PKHD1: variants seen among roughly 807,000 people sequenced by gnomAD.
PKHD1 encodes PKHD1 ciliary IPT domain containing fibrocystin/polyductin.
A neutral mutation model predicts 412.0 loss-of-function variants in PKHD1; 291 were observed. The observed-to-expected ratio is 0.71, with a 90% CI of 0.64 to 0.78. The LOEUF (loss-of-function observed/expected upper bound fraction) is 0.78. Among genes scored for constraint, PKHD1 ranks in the 30% least tolerant of loss-of-function variants. The probability of loss-of-function intolerance (pLI) is 0.00; values close to 1 mark genes in which losing one functional copy is unlikely to be tolerated. For synonymous variants in PKHD1, 1,777 were observed against 1,821.5 expected (o/e 0.98, Z 0.62); for missense variants, 4,825 against 4,950.7 (o/e 0.97, Z 0.76).
chr6:52,069,935 C>A (rs4715275), intron 10 of PKHD1, among the ~76,000 whole-genome samples: 16,690 of 152,020 alleles, frequency 0.11, 956 homozygotes, highest in Middle Eastern at 0.21. Flanking sequence ...TTAGACCCTA[C>A]GCTTTTAACA....
chr6:51,758,046 GAGAGAGAA>G (rs1275805911), intron 55 of PKHD1, among the ~76,000 whole-genome samples: 1 of 133,882 alleles, frequency 7.5e-6, no homozygotes, highest in African/African-American at 2.6e-5. Context: ...GAGAGAGAGA[GAGAGAGAA>G]AACAAAGCAA....
At chr6:51,727,368 G>GA (rs766167681) in intron 60 of PKHD1, among the ~76,000 whole-genome samples, 78 of 152,224 alleles carry the variant, frequency 5.1e-4, no homozygotes, top group African/African-American at 1.9e-3. Flanking sequence ...ATATAAGGCA[G>GA]AAAAAGAGAC....
intron 45 of PKHD1, 92 bp from the exon 46 acceptor site, chr6:51,883,319 G>T (rs942008544): frequency 3.4e-6 from 4 of 1,159,966 alleles, no homozygotes; most frequent in Admixed American, 1.7e-5. Flanking sequence ...TAAGTAGAAA[G>T]AAGCATGCTA....
chr6:51,943,713 A>G (rs1450958627), intron 36 of PKHD1, among the ~76,000 whole-genome samples: 4 of 151,346 alleles, frequency 2.6e-5, no homozygotes, highest in East Asian at 3.9e-4. Flanking sequence ...TCTTTTTTCA[A>G]TTCATACAAA....
intron 36 of PKHD1, among the ~76,000 whole-genome samples, chr6:51,946,382 T>G (rs910073919): frequency 6.6e-6 from 1 of 152,240 alleles, no homozygotes; most frequent in Non-Finnish European, 1.5e-5. Flanking sequence ...TTGCCTGAAA[T>G]AATTAGATAA....
intron 36 of PKHD1, among the ~76,000 whole-genome samples, chr6:51,939,206 C>G (rs1788048968): frequency 6.6e-6 from 1 of 150,988 alleles, no homozygotes; most frequent in Admixed American, 6.6e-5. Flanking sequence ...CTCCACTTTT[C>G]TGGGGGGCAA....
chr6:51,982,947 C>T (rs1301188153), intron 35 of PKHD1, among the ~76,000 whole-genome samples: 4 of 108,426 alleles, frequency 3.7e-5, no homozygotes, highest in African/African-American at 6.3e-5. Flanking sequence ...CGCCTTTGCC[C>T]AGCCTCCCTG....
intron 35 of PKHD1, among the ~76,000 whole-genome samples, chr6:52,005,167 G>T (rs1798895865): frequency 6.6e-6 from 1 of 152,210 alleles, no homozygotes; most frequent in South Asian, 2.1e-4. Context: ...TGAGTGTGTT[G>T]CCTCTCCATT....
chr6:51,834,329 G>A (rs1372682950), intron 51 of PKHD1, among the ~76,000 whole-genome samples: 1 of 152,148 alleles, frequency 6.6e-6, no homozygotes, highest in Non-Finnish European at 1.5e-5. Context: ...ATCAAAGAAA[G>A]CGACAAAAAC....
At chr6:51,909,873 AG>A (rs1369856531) in intron 39 of PKHD1, among the ~76,000 whole-genome samples, 1 of 152,146 alleles carries the variant, frequency 6.6e-6, no homozygotes, top group Non-Finnish European at 1.5e-5. Context: ...ATATAATAAC[AG>A]CACTTTTTAA....
chr6:51,861,904 T>C (rs1429238582), intron 48 of PKHD1, among the ~76,000 whole-genome samples: 1 of 152,222 alleles, frequency 6.6e-6, no homozygotes, highest in African/African-American at 2.4e-5. Context: ...TAGGTGACCA[T>C]ATACCATTGC....
intron 36 of PKHD1, among the ~76,000 whole-genome samples, chr6:51,939,318 C>A (rs917724594): frequency 8.6e-5 from 13 of 151,158 alleles, no homozygotes; most frequent in African/African-American, 2.7e-4. Context: ...TACCCCTTCT[C>A]CGCTTTTCTA....
At chr6:52,045,181 C>T (rs1805592803) in intron 24 of PKHD1, 93 bp from the exon 25 acceptor site, 1 of 1,208,238 alleles carries the variant, frequency 8.3e-7, no homozygotes, top group African/African-American at 1.5e-5. Flanking sequence ...CATTGTGTTT[C>T]AGATAATCAG....
At chr6:51,789,951 T>G (rs1013444266) in intron 53 of PKHD1, among the ~76,000 whole-genome samples, 2 of 152,202 alleles carry the variant, frequency 1.3e-5, no homozygotes, top group Non-Finnish European at 2.9e-5. Context: ...TAATAGGATT[T>G]TAAACAATGG....
intron 60 of PKHD1, among the ~76,000 whole-genome samples, chr6:51,674,287 C>T (rs1380436028): frequency 6.6e-6 from 1 of 152,156 alleles, no homozygotes; most frequent in Non-Finnish European, 1.5e-5. Context: ...AACCCACAGA[C>T]TAACGAGTGT....
At chr6:52,036,520 A>C (rs1803969569) in intron 27 of PKHD1, among the ~76,000 whole-genome samples, 1 of 152,222 alleles carries the variant, frequency 6.6e-6, no homozygotes, top group South Asian at 2.1e-4. Context: ...TGAGGCCACC[A>C]AACAGCCTTA....
At chr6:51,809,274 G>T (rs565406220) in intron 52 of PKHD1, among the ~76,000 whole-genome samples, 1 of 152,024 alleles carries the variant, frequency 6.6e-6, no homozygotes, top group Non-Finnish European at 1.5e-5. Flanking sequence ...TTTTTAGCAT[G>T]TGGGTAGACA....
chr6:51,693,130 G>T (rs1267709193), intron 60 of PKHD1, among the ~76,000 whole-genome samples: 1 of 152,112 alleles, frequency 6.6e-6, no homozygotes, highest in Non-Finnish European at 1.5e-5. Context: ...CTGCACAAGT[G>T]CACATTCATA....
chr6:51,823,871 T>C (rs1046953916), intron 52 of PKHD1, among the ~76,000 whole-genome samples: 10 of 152,130 alleles, frequency 6.6e-5, no homozygotes, highest in Non-Finnish European at 1.2e-4. Flanking sequence ...GTTTGAATCG[T>C]GGTCATTGCA....
Sources: gnomAD v4.1 joint callset for allele counts (sites outside exome capture counted in the v4.1 genomes callset) on GRCh38, gnomAD v4.1.1 for gene constraint, MANE v1.5 for transcripts, NCBI Gene and HGNC (gene_info 2026-07-23, HGNC 2026-07-21) for gene names.